EIF2AK2: variants seen among roughly 807,000 people sequenced by gnomAD.
EIF2AK2 encodes eukaryotic translation initiation factor 2 alpha kinase 2, also known as interferon-induced, double-stranded RNA-activated protein kinase.
EIF2AK2 carries 40 observed loss-of-function variants against 70.5 expected under a neutral mutation model. That is an observed-to-expected ratio of 0.57 (90% CI 0.44 to 0.74). EIF2AK2 has a LOEUF of 0.74. Ranked by LOEUF, EIF2AK2 falls within the 30% of genes least tolerant of loss-of-function variation. The probability of loss-of-function intolerance (pLI) is 0.00; values close to 1 mark genes in which losing one functional copy is unlikely to be tolerated. For synonymous variants in EIF2AK2, 198 were observed against 220.9 expected (o/e 0.90, Z 0.92); for missense variants, 555 against 644.3 (o/e 0.86, Z 1.50).
chr2:37,117,086 G>A (rs994109803), intron 13 of EIF2AK2, among the ~76,000 whole-genome samples: 7 of 151,778 alleles, frequency 4.6e-5, no homozygotes, highest in South Asian at 2.1e-4. Context: ...CATGGCAGGC[G>A]CCTGTAATCC....
At chr2:37,150,146 A>G (rs1222485314) in intron 1 of EIF2AK2, among the ~76,000 whole-genome samples, 2 of 142,456 alleles carry the variant, frequency 1.4e-5, no homozygotes, top group Admixed American at 6.9e-5. Flanking sequence ...GACGGTAAAA[A>G]AAAAAAAAAA....
intron 9 of EIF2AK2, 173 bp downstream of exon 9, chr2:37,136,810 T>C: frequency 7.4e-6 from 4 of 539,108 alleles, no homozygotes; most frequent in East Asian, 7.1e-5. Flanking sequence ...CATGTGCACA[T>C]AGTCAAAGAT....
At chr2:37,115,799 A>G (rs1674321491) in intron 13 of EIF2AK2, among the ~76,000 whole-genome samples, 1 of 152,198 alleles carries the variant, frequency 6.6e-6, no homozygotes, top group Admixed American at 6.5e-5. Flanking sequence ...TTCCACCATG[A>G]AAGCATACCA....
rs1675636926 is a variant in EIF2AK2, at chr2:37,148,571, G to A, written c.-17+286C>T. 3.9e-6 allele frequency: 3 copies of A among 775,208 alleles called. No homozygotes were observed. In the South Asian group the frequency reaches 4.2e-5, roughly 11 times the overall value. The allele number at this position is 775,208 out of a possible 1,614,324, so 48.0% of individuals were successfully genotyped here. On this transcript the variant is annotated intron_variant, in intron 2 of 16. Coordinates refer to ENST00000233057, the MANE Select transcript of EIF2AK2 (RefSeq NM_001135651.3). ...TGCAGTCCAGCTTCGTACTACAAAT[G>A]AGTGCCATAAAACCTACTATACTTG... is the stretch of plus-strand genomic sequence containing the variant.
At chr2:37,107,433 C>G in intron 16 of EIF2AK2, 38 bp from the exon 17 acceptor site, 1 of 1,609,664 alleles carries the variant, frequency 6.2e-7, no homozygotes, top group Non-Finnish European at 8.5e-7. Flanking sequence ...AGAAATAAAA[C>G]ATTGAAATAA....
intron 11 of EIF2AK2, among the ~76,000 whole-genome samples, chr2:37,123,138 A>G: frequency 6.6e-6 from 1 of 152,068 alleles, no homozygotes; most frequent in Non-Finnish European, 1.5e-5. Flanking sequence ...ACTGCACTCC[A>G]GCCTGGGCAA....
intron 5 of EIF2AK2, among the ~76,000 whole-genome samples, chr2:37,140,855 T>C (rs1322350000): frequency 2.6e-5 from 4 of 151,930 alleles, no homozygotes; most frequent in Non-Finnish European, 4.4e-5. Context: ...ATTTAAACTA[T>C]TTGCCATGTA....
intron 11 of EIF2AK2, 30 bp from the exon 12 acceptor site, chr2:37,122,694 T>C (rs1674598604): frequency 1.9e-6 from 3 of 1,613,748 alleles, no homozygotes; most frequent in Non-Finnish European, 2.5e-6. Context: ...AACATGGCAG[T>C]GTCAGTGTAC....
intron 4 of EIF2AK2, 83 bp from the exon 5 acceptor site, chr2:37,141,784 T>C: frequency 4.4e-6 from 6 of 1,359,284 alleles, no homozygotes; most frequent in South Asian, 1.5e-5. Flanking sequence ...ATAAAATTAC[T>C]AAATGAGCAA....
chr2:37,149,233 C>A, intron 1 of EIF2AK2: 1 of 1,086,060 alleles, frequency 9.2e-7, no homozygotes, highest in Non-Finnish European at 1.4e-6. Context: ...GCCACTGTGA[C>A]CGCAAGTCAC....
At chr2:37,153,359 G>C (rs141218660) in intron 1 of EIF2AK2, among the ~76,000 whole-genome samples, 1 of 21,460 alleles carries the variant, frequency 4.7e-5, no homozygotes. Context: ...TTTTTTTTTT[G>C]AGACAGGGTC....
At position 37,140,070 on chromosome 2, in the gene EIF2AK2, G is replaced by T. The variant is rs555188151; in HGVS notation, c.390-313C>A. On this transcript the variant is annotated intron_variant, in intron 5 of 16. Coordinates refer to ENST00000233057, the MANE Select transcript of EIF2AK2 (RefSeq NM_001135651.3). ...TTTTTTAATTCCCCAAAGGTCAAAA[G>T]ATACGGAGGTAGAAAAGAAAGAAAG... 1.2e-3 allele frequency among the ~76,000 whole-genome samples: 187 copies of T among 151,886 alleles called. 2 individuals are homozygous for T. Among genetic ancestry groups the T allele is most frequent in the Non-Finnish European group, 2.3e-3 (153 of 67,980 alleles).
intron 2 of EIF2AK2, chr2:37,148,443 G>T: frequency 2.5e-6 from 1 of 400,332 alleles, no homozygotes. Flanking sequence ...CGGAAGCCAG[G>T]CGGAGGAGAG....
intron 12 of EIF2AK2, among the ~76,000 whole-genome samples, chr2:37,121,427 A>C (rs1331789725): frequency 1.3e-4 from 20 of 152,088 alleles, no homozygotes; most frequent in Non-Finnish European, 1.0e-4. Context: ...GAAACCTTTT[A>C]ATTCACCATT....
At chr2:37,145,653 C>T (rs979234660) in intron 4 of EIF2AK2, among the ~76,000 whole-genome samples, 7 of 151,422 alleles carry the variant, frequency 4.6e-5, no homozygotes, top group African/African-American at 1.7e-4. Flanking sequence ...CATTCACCAC[C>T]CACTTGCTGA....
chr2:37,104,923 G>T lies in EIF2AK2; in HGVS notation c.*2350C>A, dbSNP rs1391189263. 6.6e-6 allele frequency: 1 copy of T among 152,070 alleles called. No individual in the cohort carries two copies. The highest frequency in any genetic ancestry group is 2.4e-5 in the African/African-American group (1 of 41,412). The allele number at this position is 152,070 out of a possible 1,614,324, so 9.4% of individuals were successfully genotyped here. Reference sequence around the variant, plus strand: ...CTAAATTGAATCACTTGGTTATTGTGGTGACCATTGTAAAGGTACATTTTC... The same window carrying T: ...CTAAATTGAATCACTTGGTTATTGTTGTGACCATTGTAAAGGTACATTTTC... On this transcript the variant is annotated 3_prime_UTR_variant, in exon 17 of 17. Coordinates refer to ENST00000233057, the MANE Select transcript of EIF2AK2 (RefSeq NM_001135651.3).
chr2:37,134,938 G>T (rs142309416), intron 10 of EIF2AK2, among the ~76,000 whole-genome samples: 1 of 152,194 alleles, frequency 6.6e-6, no homozygotes, highest in Non-Finnish European at 1.5e-5. Flanking sequence ...TTTAATGGCT[G>T]CCTTGGATAT....
At chr2:37,154,687 A>C (rs551530554) in intron 1 of EIF2AK2, among the ~76,000 whole-genome samples, 2 of 151,966 alleles carry the variant, frequency 1.3e-5, no homozygotes, top group Admixed American at 6.6e-5. Context: ...CAGCATTCCG[A>C]GTAGCTGGGA....
intron 1 of EIF2AK2, 90 bp from the exon 2 acceptor site, chr2:37,149,113 G>C: frequency 2.2e-6 from 2 of 894,802 alleles, no homozygotes; most frequent in Non-Finnish European, 3.8e-6. Flanking sequence ...GTCTATGATA[G>C]CCAGGGTCTC....
Sources: allele counts gnomAD v4.1 joint callset (sites outside exome capture counted in the v4.1 genomes callset), GRCh38; gene constraint gnomAD v4.1.1; transcripts MANE v1.5; gene names NCBI Gene and HGNC (gene_info 2026-07-23, HGNC 2026-07-21).